The following SLC25A18 variants were observed in gnomAD, a reference collection of about 807,000 sequenced individuals.
SLC25A18 encodes solute carrier family 25 member 18.
SLC25A18 carries 24 observed loss-of-function variants against 31.1 expected under a neutral mutation model. The observed-to-expected ratio is 0.77, with a 90% CI of 0.56 to 1.08. The LOEUF is 1.08. Among genes scored for constraint, SLC25A18 ranks in the 50% least tolerant of loss-of-function variants. The pLI is 0.00. For synonymous variants in SLC25A18, 173 were observed against 161.9 expected, an observed-to-expected ratio of 1.07 and a Z score of -0.52; for missense variants, 371 against 418.5, an observed-to-expected ratio of 0.89 and a Z score of 0.99.
chr22:17,565,573 T>C (rs866537295), intron 1 of SLC25A18, among the ~76,000 whole-genome samples: 1 of 151,692 alleles, frequency 6.6e-6, no homozygotes, highest in African/African-American at 2.4e-5. Flanking sequence ...AGTAATTTTT[T>C]AAAAAAATTT....
intron 5 of SLC25A18, chr22:17,581,959 C>A (rs2057387040): frequency 6.5e-6 from 1 of 154,638 alleles, no homozygotes; most frequent in Admixed American, 6.4e-5. Context: ...AGTCCCTGCG[C>A]CTGGCGCCTG....
At chr22:17,564,689 T>A (rs1693754477) in intron 1 of SLC25A18, among the ~76,000 whole-genome samples, 1 of 151,958 alleles carries the variant, frequency 6.6e-6, no homozygotes, top group Admixed American at 6.6e-5. Flanking sequence ...AAACCCCATC[T>A]ATACTAAAAA....
At chr22:17,572,670 C>T (rs1190152039) in intron 2 of SLC25A18, among the ~76,000 whole-genome samples, 4 of 110,622 alleles carry the variant, frequency 3.6e-5, no homozygotes, top group Non-Finnish European at 6.8e-5. Context: ...GAGACGGAGT[C>T]TCGCTTTGTC....
intron 2 of SLC25A18, among the ~76,000 whole-genome samples, chr22:17,571,999 A>G (rs1897358809): frequency 6.6e-6 from 1 of 151,640 alleles, no homozygotes; most frequent in Non-Finnish European, 1.5e-5. Context: ...CCTGGGCAAC[A>G]GAGCAAGACT....
At chr22:17,580,905 A>G in intron 3 of SLC25A18, 132 bp from the exon 4 acceptor site, 9 of 1,432,350 alleles carry the variant, frequency 6.3e-6, no homozygotes, top group Non-Finnish European at 8.3e-6. Flanking sequence ...AGGGAGGCTG[A>G]AGAGGGTCTC....
chr22:17,574,188 T>C (rs538982125), intron 2 of SLC25A18, among the ~76,000 whole-genome samples: 9 of 152,322 alleles, frequency 5.9e-5, no homozygotes, highest in Non-Finnish European at 1.0e-4. Context: ...GAGCTGAGAT[T>C]GCGCCACGGC....
At chr22:17,583,292 G>T in intron 6 of SLC25A18, 124 bp from the exon 7 acceptor site, 1 of 1,216,268 alleles carries the variant, frequency 8.2e-7, no homozygotes, top group South Asian at 1.3e-5. Context: ...CTGATGACTT[G>T]ACCAGCTGGG....
intron 9 of SLC25A18, 68 bp from the exon 10 acceptor site, chr22:17,589,522 C>G (rs1341088166): frequency 6.9e-7 from 1 of 1,452,118 alleles, no homozygotes; most frequent in Non-Finnish European, 9.6e-7. Context: ...GGCCCAGCCC[C>G]TTAGTGTTGA....
chr22:17,570,545 C>G (rs1196351705), intron 2 of SLC25A18, among the ~76,000 whole-genome samples: 1 of 152,216 alleles, frequency 6.6e-6, no homozygotes, highest in Non-Finnish European at 1.5e-5. Context: ...AGTGCTGTGG[C>G]ATGATGGCGG....
rs752068391 is a variant in SLC25A18 at position 17,582,642 on chromosome 22, C to A, written c.279C>A (p.Leu93=). Residue 93 remains leucine, a synonymous_variant, in exon 6 of 11, where the codon CTC becomes CTA. Coordinates refer to ENST00000327451, the MANE Select transcript of SLC25A18 (RefSeq NM_031481.3). ...CCAACGACTTTTTCCGGCGGCTGCT[C>A]ATGGAAGATGGGTATGGCCAGGTGG... The part of the protein sequence containing the change: ...LAANDFFRRL[L]MEDGMQRNLK... 6.1e-5 allele frequency: 98 copies of A among 1,602,546 alleles called. 2 individuals carry two copies. In the East Asian group the frequency reaches 2.1e-3, roughly 35 times the overall value.
Position 17,568,687 on chromosome 22 carries a change from G to A in SLC25A18, c.-263-1237G>A, listed in dbSNP as rs574906907. Among the ~76,000 whole-genome samples, 400 of 136,912 alleles carry A rather than the reference G, an allele frequency of 2.9e-3. 2 individuals are homozygous for A. The highest frequency in any genetic ancestry group is 4.8e-3 in the Middle Eastern group (1 of 208). 89.8% of individuals were successfully genotyped at this position (136,912 alleles called of 152,430 possible). ...CGCCATTCTCCTGCCTCAGCCTCCC[G>A]AGTAGCTGGGACTACACGCGCCTGC... is the stretch of plus-strand genomic sequence containing the variant. On this transcript the variant is annotated intron_variant, in intron 1 of 10. Transcript: ENST00000327451.
chr22:17,568,705 G>T (rs1382955344), intron 1 of SLC25A18, among the ~76,000 whole-genome samples: 1 of 150,838 alleles, frequency 6.6e-6, no homozygotes, highest in East Asian at 2.0e-4. Flanking sequence ...GGGACTACAC[G>T]CGCCTGCCAC....
chr22:17,580,374 A>G, intron 3 of SLC25A18: 1 of 296,776 alleles, frequency 3.4e-6, no homozygotes, highest in Non-Finnish European at 5.1e-6. Flanking sequence ...GGAGTCTGAG[A>G]AAGCTTTGTT....
chr22:17,583,425 G>A lies in SLC25A18; in HGVS notation c.300G>A (p.Arg100=), dbSNP rs1283605616. 20 of 1,613,984 alleles carry A rather than the reference G, an allele frequency of 1.2e-5. No homozygotes were observed. The highest frequency in any genetic ancestry group is 6.7e-5 in the Admixed American group (4 of 60,006). The part of the protein sequence containing the change: ...RRLLMEDGMQ[R]NLKMEMLAGC... ...ACGCCTGTTCCCATAGGATGCAGCG[G>A]AACCTGAAGATGGAGATGCTTGCCG... Residue 100 remains arginine (R), a synonymous_variant, in exon 7 of 11, where the codon CGG becomes CGA. Transcript: ENST00000327451.
At chr22:17,578,171 A>C (rs1335523905) in intron 2 of SLC25A18, among the ~76,000 whole-genome samples, 1 of 151,512 alleles carries the variant, frequency 6.6e-6, no homozygotes, top group Admixed American at 6.6e-5. Context: ...GGGTTTCACT[A>C]TGTTGCCCAG....
chr22:17,575,437 C>T lies in SLC25A18; in HGVS notation c.-200-4308C>T, dbSNP rs539605236. Among the ~76,000 whole-genome samples, 7 of 152,290 alleles carry T rather than the reference C, an allele frequency of 4.6e-5. No individual in the cohort carries two copies. The East Asian group carries it at 1.4e-3, about 29-fold the overall frequency. ...GTAATAAGGCAGAAGTCTCTCCCGCCTTGCATCATCTCTGCGGGTCTGCTT... is the reference window on the plus strand; with the variant it reads ...GTAATAAGGCAGAAGTCTCTCCCGCTTTGCATCATCTCTGCGGGTCTGCTT... On this transcript the variant is annotated intron_variant, in intron 2 of 10. Coordinates refer to ENST00000327451, the MANE Select transcript of SLC25A18 (RefSeq NM_031481.3).
chr22:17,567,992 T>C (rs1444089172), intron 1 of SLC25A18, among the ~76,000 whole-genome samples: 1 of 152,058 alleles, frequency 6.6e-6, no homozygotes, highest in Non-Finnish European at 1.5e-5. Context: ...TGTCTGGTTT[T>C]TTTGGCTGGA....
chr22:17,565,884 G>C (rs1485238524), intron 1 of SLC25A18, among the ~76,000 whole-genome samples: 3 of 152,008 alleles, frequency 2.0e-5, no homozygotes, highest in Admixed American at 2.0e-4. Flanking sequence ...TAAAGAGATG[G>C]GGTCTTGGAT....
At chr22:17,589,952 C>A in intron 10 of SLC25A18, 143 bp from the exon 11 acceptor site, 2 of 1,217,704 alleles carry the variant, frequency 1.6e-6, no homozygotes, top group Non-Finnish European at 2.3e-6. Flanking sequence ...GGGCGAGGCA[C>A]AGCTCCCACA....
Sources: allele counts gnomAD v4.1 joint callset (sites outside exome capture counted in the v4.1 genomes callset), GRCh38; gene constraint gnomAD v4.1.1; transcripts MANE v1.5; gene names NCBI Gene and HGNC (gene_info 2026-07-23, HGNC 2026-07-21).